Variants in PBX1 observed in about 807,000 individuals in gnomAD.
PBX1 encodes the protein pre-B-cell leukemia transcription factor 1.
Under a neutral mutation model 53.4 loss-of-function variants are expected in PBX1, and 6 were observed. The observed-to-expected ratio is 0.11, with a 90% CI of 0.06 to 0.22. The LOEUF (loss-of-function observed/expected upper bound fraction) is 0.22, where lower values mean the gene tolerates loss of function less well. Among genes scored for constraint, PBX1 ranks in the 10% least tolerant of loss-of-function variants. The pLI, the probability that PBX1 is intolerant of heterozygous loss-of-function variation, is 1.00. For missense variants in PBX1, 251 were observed against 551.4 expected, an observed-to-expected ratio of 0.46 and a Z score of 5.46; for synonymous variants, 204 against 212.3, an observed-to-expected ratio of 0.96 and a Z score of 0.34.
chr1:164,794,441 G>A (rs1250759775), intron 3 of PBX1, among the ~76,000 whole-genome samples: 1 of 152,154 alleles, frequency 6.6e-6, no homozygotes, highest in Non-Finnish European at 1.5e-5. Flanking sequence ...AGTGAAATTT[G>A]ACCATCAGAC....
chr1:164,561,111 T>C (rs1237365507), intron 1 of PBX1, among the ~76,000 whole-genome samples: 1 of 152,202 alleles, frequency 6.6e-6, no homozygotes, highest in Admixed American at 6.5e-5. Context: ...TGACCACATA[T>C]GTCTGTACAA....
At chr1:164,775,948 G>A (rs546997976) in intron 2 of PBX1, among the ~76,000 whole-genome samples, 65 of 152,212 alleles carry the variant, frequency 4.3e-4, no homozygotes, top group Non-Finnish European at 6.3e-4. Flanking sequence ...TAATTGTGAT[G>A]ATATCACAAT....
intron 2 of PBX1, among the ~76,000 whole-genome samples, chr1:164,741,775 T>TGTGTGTGTGTGTGTG (rs1553238858): frequency 2.0e-5 from 3 of 150,672 alleles, no homozygotes; most frequent in South Asian, 4.2e-4. Flanking sequence ...TGTGTGTGTG[T>TGTGTGTGTGTGTGTG]TGCTTGATTT....
chr1:164,654,164 T>C (rs1660010166), intron 2 of PBX1, among the ~76,000 whole-genome samples: 1 of 152,184 alleles, frequency 6.6e-6, no homozygotes, highest in Admixed American at 6.5e-5. Flanking sequence ...ATTTTGTAGA[T>C]GGGGACAATA....
At chr1:164,856,455 C>G (rs771425225), downstream of PBX1, among the ~76,000 whole-genome samples, 4 of 152,118 alleles carry the variant, frequency 2.6e-5, no homozygotes, top group Non-Finnish European at 4.4e-5. Context: ...TCCTAACATA[C>G]TTCTCTAAAT....
At chr1:164,592,687 A>G (rs552307860) in intron 2 of PBX1, among the ~76,000 whole-genome samples, 8 of 152,296 alleles carry the variant, frequency 5.3e-5, no homozygotes, top group African/African-American at 1.7e-4. Flanking sequence ...TACAGGATCT[A>G]CGACCACATG....
At chr1:164,755,784 C>T (rs1352598253) in intron 2 of PBX1, among the ~76,000 whole-genome samples, 1 of 152,024 alleles carries the variant, frequency 6.6e-6, no homozygotes, top group Non-Finnish European at 1.5e-5. Flanking sequence ...CTTTCAATCG[C>T]CCATCATGGG....
intron 2 of PBX1, among the ~76,000 whole-genome samples, chr1:164,622,822 CTTTTTTT>C (rs11299132): frequency 9.4e-6 from 1 of 106,290 alleles, no homozygotes. Flanking sequence ...CAGTTTCCAT[CTTTTTTT>C]TTTTTTTTTT....
At chr1:164,589,228 G>GC (rs1655184401) in intron 2 of PBX1, among the ~76,000 whole-genome samples, 1 of 152,014 alleles carries the variant, frequency 6.6e-6, no homozygotes, top group Non-Finnish European at 1.5e-5. Context: ...GGAGGAGGGG[G>GC]GCGCGGCTGA....
intron 2 of PBX1, among the ~76,000 whole-genome samples, chr1:164,584,990 CT>C (rs1654861247): frequency 6.6e-6 from 1 of 152,132 alleles, no homozygotes; most frequent in African/African-American, 2.4e-5. Context: ...TAGAAAAGGA[CT>C]CTTCCATCTA....
chr1:164,808,449 T>C (rs1255283999), intron 5 of PBX1, among the ~76,000 whole-genome samples: 1 of 152,222 alleles, frequency 6.6e-6, no homozygotes, highest in African/African-American at 2.4e-5. Flanking sequence ...TTGAGAACCA[T>C]AGTGATAATT....
At chr1:164,860,870 C>T (rs901973276) in intron 2 of PBX1, among the ~76,000 whole-genome samples, 2 of 150,844 alleles carry the variant, frequency 1.3e-5, no homozygotes, top group African/African-American at 2.4e-5. Flanking sequence ...GAGGAAGGAA[C>T]GAAGGCAAAA....
intron 2 of PBX1, among the ~76,000 whole-genome samples, chr1:164,685,989 G>C (rs1412881230): frequency 1.3e-5 from 2 of 152,150 alleles, no homozygotes; most frequent in Non-Finnish European, 2.9e-5. Context: ...AAGAGTCTGG[G>C]CCTTGGAGTT....
intron 2 of PBX1, chr1:164,657,249 A>G (rs747847271): frequency 1.3e-5 from 2 of 152,196 alleles, no homozygotes; most frequent in Non-Finnish European, 2.9e-5. Flanking sequence ...CACCTGTTCT[A>G]ATTGAACATT....
At chr1:164,695,834 A>C (rs532944647) in intron 2 of PBX1, among the ~76,000 whole-genome samples, 7 of 152,246 alleles carry the variant, frequency 4.6e-5, no homozygotes, top group African/African-American at 7.2e-5. Flanking sequence ...TTGAGCAGCT[A>C]GTCCTAGCTC....
intron 8 of PBX1, among the ~76,000 whole-genome samples, chr1:164,840,531 G>C (rs1344464598): frequency 6.6e-6 from 1 of 152,082 alleles, no homozygotes; most frequent in African/African-American, 2.4e-5. Context: ...CTGTGCTCAG[G>C]GTGGTAACTG....
intron 2 of PBX1, among the ~76,000 whole-genome samples, chr1:164,663,298 C>T (rs1378821644): frequency 2.0e-5 from 3 of 151,916 alleles, no homozygotes; most frequent in Admixed American, 2.0e-4. Context: ...ACCTGCCTGC[C>T]TTCCTGCCTT....
At chr1:164,795,104 G>A (rs1401101096) in intron 3 of PBX1, among the ~76,000 whole-genome samples, 1 of 152,094 alleles carries the variant, frequency 6.6e-6, no homozygotes, top group Non-Finnish European at 1.5e-5. Context: ...GCTCCTCAAG[G>A]CAATTTTGAG....
intron 2 of PBX1, among the ~76,000 whole-genome samples, chr1:164,625,471 A>G (rs960420360): frequency 1.3e-5 from 2 of 152,210 alleles, no homozygotes; most frequent in African/African-American, 4.8e-5. Flanking sequence ...GAAAGACAGA[A>G]GAAGGAAGCC....
Sources: gnomAD v4.1 joint callset for allele counts (sites outside exome capture counted in the v4.1 genomes callset) on GRCh38, gnomAD v4.1.1 for gene constraint, MANE v1.5 for transcripts, NCBI Gene and HGNC (gene_info 2026-07-23, HGNC 2026-07-21) for gene names.